ATXN7: variants seen among roughly 807,000 people sequenced by gnomAD.
The protein encoded by ATXN7 is ataxin 7.
A neutral mutation model predicts 70.5 loss-of-function variants in ATXN7; 12 were observed. That is an observed-to-expected ratio of 0.17 (90% CI 0.11 to 0.28). The LOEUF (loss-of-function observed/expected upper bound fraction) is 0.28. Ranked by LOEUF, ATXN7 falls within the 10% of genes least tolerant of loss-of-function variation. ATXN7 has a pLI of 1.00. For synonymous variants in ATXN7, 498 were observed against 448.7 expected, an observed-to-expected ratio of 1.11 and a Z score of -1.39; for missense variants, 1,256 against 1,131.7, an observed-to-expected ratio of 1.11 and a Z score of -1.58.
chr3:63,950,978 G>A (rs2074943489), intron 4 of ATXN7, among the ~76,000 whole-genome samples: 1 of 152,052 alleles, frequency 6.6e-6, no homozygotes, highest in East Asian at 1.9e-4. Context: ...CACATTATAA[G>A]TCAGAATTGA....
intron 1 of ATXN7, among the ~76,000 whole-genome samples, chr3:63,881,874 C>T (rs1475451823): frequency 2.0e-5 from 3 of 152,120 alleles, no homozygotes; most frequent in Admixed American, 1.3e-4. Context: ...CTGGGCCAGG[C>T]TAGGCCAGGG....
At chr3:63,944,669 A>T (rs2074827841) in intron 4 of ATXN7, among the ~76,000 whole-genome samples, 1 of 152,242 alleles carries the variant, frequency 6.6e-6, no homozygotes. Context: ...AGCGGGGATT[A>T]CTGTAGACCA....
At chr3:63,990,118 A>T in intron 9 of ATXN7, 58 bp from the exon 10 acceptor site, 1 of 1,543,000 alleles carries the variant, frequency 6.5e-7, no homozygotes, top group Non-Finnish European at 8.9e-7. Flanking sequence ...TATCTCAGTT[A>T]AGGTGGCTGA....
At chr3:63,909,045 G>A (rs761295197) in intron 2 of ATXN7, among the ~76,000 whole-genome samples, 1 of 152,130 alleles carries the variant, frequency 6.6e-6, no homozygotes, top group Non-Finnish European at 1.5e-5. Flanking sequence ...TTACTATCTT[G>A]TGTTCACCCT....
At chr3:63,928,889 T>G (rs1704822763) in intron 4 of ATXN7, among the ~76,000 whole-genome samples, 2 of 152,186 alleles carry the variant, frequency 1.3e-5, no homozygotes, top group South Asian at 4.1e-4. Context: ...GGTTAATGTT[T>G]TAGATAATAG....
chr3:63,994,645 C>T (rs536245713), intron 11 of ATXN7, among the ~76,000 whole-genome samples: 1 of 152,370 alleles, frequency 6.6e-6, no homozygotes, highest in South Asian at 2.1e-4. Context: ...TCTAGGCCAG[C>T]TCTCTCACTG....
At chr3:63,997,627 T>C in intron 12 of ATXN7, 1 of 1,551,942 alleles carries the variant, frequency 6.4e-7, no homozygotes, top group Non-Finnish European at 8.7e-7. Flanking sequence ...TCAGGATATC[T>C]CCTCACCTTG....
intron 6 of ATXN7, 107 bp downstream of exon 6, chr3:63,980,274 G>A (rs1260190274): frequency 7.0e-7 from 1 of 1,419,476 alleles, no homozygotes; most frequent in Non-Finnish European, 9.6e-7. Context: ...GAGTCTACTT[G>A]GGGAAGAATT....
chr3:63,863,776 A>G, upstream of ATXN7: 2 of 1,251,634 alleles, frequency 1.6e-6, no homozygotes, highest in Admixed American at 4.2e-5. Flanking sequence ...CCTCACCGTC[A>G]GTCACGGCTC....
chr3:63,931,832 A>C lies in ATXN7; in HGVS notation c.394+18607A>C, dbSNP rs115514680. On this transcript the variant is annotated intron_variant, in intron 4 of 12. Transcript: ENST00000674280. ...ACATGGGTGGCAGATGTAAGTTTTA[A>C]CGATAATAAAACTGTGTCAAAGGAA... 6.5e-3 allele frequency among the ~76,000 whole-genome samples: 993 copies of C among 152,244 alleles called. 12 individuals are homozygous for C. The highest frequency in any genetic ancestry group is 0.022 in the African/African-American group (894 of 41,532).
At chr3:63,994,153 T>A (rs946454245) in intron 11 of ATXN7, among the ~76,000 whole-genome samples, 3 of 152,212 alleles carry the variant, frequency 2.0e-5, no homozygotes, top group Admixed American at 6.5e-5. Flanking sequence ...CACAGGTGAC[T>A]GTAATGTGCA....
chr3:63,886,337 A>G (rs1703085766), intron 1 of ATXN7, among the ~76,000 whole-genome samples: 1 of 152,224 alleles, frequency 6.6e-6, no homozygotes. Flanking sequence ...TCTGTTACAC[A>G]GTAATGGTGA....
At chr3:63,882,016 C>T (rs566943024) in intron 1 of ATXN7, among the ~76,000 whole-genome samples, 2 of 152,332 alleles carry the variant, frequency 1.3e-5, no homozygotes, top group South Asian at 4.1e-4. Context: ...TCTCAGTTTG[C>T]ATCTCTAGCA....
chr3:63,865,727 TAAAA>T (rs377336196), intron 1 of ATXN7, among the ~76,000 whole-genome samples: 1 of 147,718 alleles, frequency 6.8e-6, no homozygotes, highest in Non-Finnish European at 1.5e-5. Context: ...CCGTCTCTAC[TAAAA>T]AAAAATACAA....
chr3:63,915,823 A>G (rs1212162480), intron 4 of ATXN7, among the ~76,000 whole-genome samples: 2 of 151,902 alleles, frequency 1.3e-5, no homozygotes, highest in African/African-American at 4.8e-5. Context: ...CTGGGATTAC[A>G]GGCACGCACC....
At chr3:63,996,994 C>A (rs112674299) in intron 12 of ATXN7, among the ~76,000 whole-genome samples, 1 of 152,084 alleles carries the variant, frequency 6.6e-6, no homozygotes, top group Non-Finnish European at 1.5e-5. Flanking sequence ...CAGCGGCTCA[C>A]GCCTATAATC....
In ATXN7 at chr3:63,999,255, A is replaced by T. The variant is rs2075806776; in HGVS notation, c.2662-195A>T. 5.4e-6 allele frequency: 3 copies of T among 560,266 alleles called. No homozygotes were observed. The South Asian group carries it at 6.9e-5, about 13-fold the overall frequency. The allele number at this position is 560,266 out of a possible 1,614,324, so 34.7% of individuals were successfully genotyped here. On this transcript the variant is annotated intron_variant, in intron 12 of 12. Coordinates refer to ENST00000674280, the MANE Select transcript of ATXN7 (RefSeq NM_001377405.1). ...TGGCTAGAAGTGAATCTTTGCAATG[A>T]TTGTGCCCAGTAGTAGTGAAGGCAT...
intron 1 of ATXN7, among the ~76,000 whole-genome samples, chr3:63,878,808 A>C (rs1241076669): frequency 3.3e-5 from 5 of 152,212 alleles, no homozygotes; most frequent in African/African-American, 9.6e-5. Context: ...GAGCTATAGT[A>C]CTAGAGGCAT....
chr3:63,886,497 A>AT (rs1447856843), intron 1 of ATXN7, among the ~76,000 whole-genome samples: 2 of 152,190 alleles, frequency 1.3e-5, no homozygotes, highest in Non-Finnish European at 2.9e-5. Flanking sequence ...ACACTGTACA[A>AT]TTTTGTCACT....
Sources: allele counts gnomAD v4.1 joint callset (sites outside exome capture counted in the v4.1 genomes callset), GRCh38; gene constraint gnomAD v4.1.1; transcripts MANE v1.5; gene names NCBI Gene and HGNC (gene_info 2026-07-23, HGNC 2026-07-21).